CNTLN: variants seen among roughly 807,000 people sequenced by gnomAD.
CNTLN encodes the protein centlein.
In CNTLN, 212 loss-of-function variants were observed where a neutral mutation model predicts 180.0. The observed-to-expected ratio is 1.18, with a 90% CI of 1.05 to 1.32. CNTLN has a LOEUF of 1.32. Among genes scored for constraint, CNTLN ranks in the 40% most tolerant of loss-of-function variants. CNTLN has a pLI of 0.00. For missense variants in CNTLN, 2,095 were observed against 1,610.9 expected (o/e 1.30, Z -5.14); for synonymous variants, 722 against 563.1 (o/e 1.28, Z -3.99).
chr9:17,152,559 T>G (rs888502004), intron 2 of CNTLN, among the ~76,000 whole-genome samples: 1 of 152,216 alleles, frequency 6.6e-6, no homozygotes, highest in African/African-American at 2.4e-5. Context: ...TTGCATTTGC[T>G]GAGTAGTGTT....
At chr9:17,408,661 C>T (rs1213038743) in intron 15 of CNTLN, among the ~76,000 whole-genome samples, 1 of 151,900 alleles carries the variant, frequency 6.6e-6, no homozygotes. Context: ...ATTAGTCAGG[C>T]GTGGTGATGG....
At chr9:17,378,039 G>A (rs1163499927) in intron 13 of CNTLN, among the ~76,000 whole-genome samples, 2 of 151,968 alleles carry the variant, frequency 1.3e-5, no homozygotes, top group East Asian at 1.9e-4. Flanking sequence ...CTAAATCAAG[G>A]AAGTTGTCTT....
chr9:17,400,527 C>G (rs750678153), intron 15 of CNTLN, among the ~76,000 whole-genome samples: 1 of 152,164 alleles, frequency 6.6e-6, no homozygotes, highest in Non-Finnish European at 1.5e-5. Flanking sequence ...CTCTCATCCT[C>G]TAGCTGTGTG....
chr9:17,356,756 G>A (rs927237752), intron 12 of CNTLN, among the ~76,000 whole-genome samples: 1 of 152,116 alleles, frequency 6.6e-6, no homozygotes, highest in Admixed American at 6.6e-5. Context: ...ACTTATTGGA[G>A]AATGCAAATA....
intron 8 of CNTLN, among the ~76,000 whole-genome samples, chr9:17,309,534 G>A (rs944524756): frequency 1.1e-4 from 16 of 151,864 alleles, no homozygotes; most frequent in African/African-American, 3.6e-4. Flanking sequence ...AAATTAATAG[G>A]TCATGCCCAT....
intron 2 of CNTLN, among the ~76,000 whole-genome samples, chr9:17,170,411 C>T (rs1820347266): frequency 6.6e-6 from 1 of 152,008 alleles, no homozygotes; most frequent in Admixed American, 6.5e-5. Context: ...TTGGGTAGGA[C>T]TTCCAGTAGT....
the CNTLN span, among the ~76,000 whole-genome samples, chr9:17,528,048 A>G: frequency 2.0e-5 from 3 of 152,040 alleles, no homozygotes; most frequent in East Asian, 5.8e-4. Context: ...AGAAGAATAG[A>G]CAAGTCTCCC....
intron 18 of CNTLN, among the ~76,000 whole-genome samples, chr9:17,453,816 A>G (rs1830943603): frequency 6.6e-6 from 1 of 152,206 alleles, no homozygotes; most frequent in South Asian, 2.1e-4. Flanking sequence ...CTCGTCTCAT[A>G]ACATGGCAAC....
At chr9:17,512,716 A>G in the CNTLN span, among the ~76,000 whole-genome samples, 1 of 152,234 alleles carries the variant, frequency 6.6e-6, no homozygotes, top group South Asian at 2.1e-4. Context: ...TCATACTCCT[A>G]AAAAGAAATA....
At chr9:17,417,496 A>T (rs1323845540) in intron 18 of CNTLN, among the ~76,000 whole-genome samples, 1 of 152,108 alleles carries the variant, frequency 6.6e-6, no homozygotes, top group Non-Finnish European at 1.5e-5. Context: ...CAATCTTATT[A>T]TACAAAAAAC....
chr9:17,440,684 A>G (rs1183466795), intron 18 of CNTLN, among the ~76,000 whole-genome samples: 2 of 152,206 alleles, frequency 1.3e-5, no homozygotes, highest in Non-Finnish European at 2.9e-5. Context: ...AGGGGAAACA[A>G]CCTATGGGTC....
chr9:17,158,750 T>G (rs1346989757), intron 2 of CNTLN, among the ~76,000 whole-genome samples: 2 of 152,224 alleles, frequency 1.3e-5, no homozygotes, highest in South Asian at 4.1e-4. Flanking sequence ...AATTTTAGGC[T>G]TCTCTTTATC....
chr9:17,273,426 T>C (rs1482087228), intron 5 of CNTLN, among the ~76,000 whole-genome samples: 1 of 149,628 alleles, frequency 6.7e-6, no homozygotes, highest in Non-Finnish European at 1.5e-5. Context: ...GAGTTCATTT[T>C]TGTTCAGCTA....
intron 2 of CNTLN, among the ~76,000 whole-genome samples, chr9:17,194,744 A>G (rs936659644): frequency 2.6e-4 from 39 of 152,064 alleles, no homozygotes; most frequent in African/African-American, 9.2e-4. Context: ...CCCCCACTCT[A>G]CTGGTACCAA....
At chr9:17,378,349 T>G (rs1384858571) in intron 13 of CNTLN, among the ~76,000 whole-genome samples, 2 of 152,098 alleles carry the variant, frequency 1.3e-5, no homozygotes, top group Non-Finnish European at 2.9e-5. Context: ...CCAGCTAATT[T>G]TGTATTTTTT....
chr9:17,205,557 C>G (rs1018525222), intron 2 of CNTLN, among the ~76,000 whole-genome samples: 1 of 152,106 alleles, frequency 6.6e-6, no homozygotes, highest in Non-Finnish European at 1.5e-5. Flanking sequence ...CTAAAACACA[C>G]CAGTTCTGAT....
In CNTLN at chr9:17,376,687, G is replaced by A. The variant is rs536755155; in HGVS notation, c.1987+9970G>A. 3.5e-3 allele frequency among the ~76,000 whole-genome samples: 537 copies of A among 152,052 alleles called. 6 individuals carry two copies. The highest frequency in any genetic ancestry group is 1.9e-3 in the Non-Finnish European group (127 of 67,964). On this transcript the variant is annotated intron_variant, in intron 13 of 25. Transcript: ENST00000380647. ...AGAATGGTCTCGATCTCCTGACCTC[G>A]TAATCTGCCCACTTTGGCCTCCCAA...
intron 8 of CNTLN, among the ~76,000 whole-genome samples, chr9:17,326,123 G>A (rs531604273): frequency 6.6e-6 from 1 of 152,150 alleles, no homozygotes; most frequent in African/African-American, 2.4e-5. Context: ...GTGAGTCAGT[G>A]TGAAAAATAA....
chr9:17,289,984 C>G lies in CNTLN; in HGVS notation c.984-8206C>G, dbSNP rs562415811. ...CTCCCGTAGCTCAGAGTAATTTGAT[C>G]GTCTGAAGCCTTCTTCTCTCAGCTC... On this transcript the variant is annotated intron_variant, in intron 6 of 25. Transcript: ENST00000380647. Among the ~76,000 whole-genome samples, 772 of 151,970 alleles carry G rather than the reference C, an allele frequency of 5.1e-3. 4 individuals carry two copies. Among genetic ancestry groups the G allele is most frequent in the Admixed American group, 8.0e-3 (122 of 15,262 alleles).
Sources: allele counts gnomAD v4.1 joint callset (sites outside exome capture counted in the v4.1 genomes callset), GRCh38; gene constraint gnomAD v4.1.1; transcripts MANE v1.5; gene names NCBI Gene and HGNC (gene_info 2026-07-23, HGNC 2026-07-21).